FSIP1: variants seen among roughly 807,000 people sequenced by gnomAD.
FSIP1 encodes fibrous sheath interacting protein 1.
Under a neutral mutation model 60.9 loss-of-function variants are expected in FSIP1, and 65 were observed. The observed-to-expected ratio is 1.07, with a 90% CI of 0.87 to 1.31. FSIP1 has a LOEUF of 1.31. Among genes scored for constraint, FSIP1 ranks in the 40% most tolerant of loss-of-function variants. FSIP1 has a pLI of 0.00. For synonymous variants in FSIP1, 209 were observed against 221.2 expected, an observed-to-expected ratio of 0.94 and a Z score of 0.49; for missense variants, 675 against 665.5, an observed-to-expected ratio of 1.01 and a Z score of -0.16.
At chr15:39,645,785 G>A (rs1323068097) in intron 10 of FSIP1, among the ~76,000 whole-genome samples, 18 of 152,222 alleles carry the variant, frequency 1.2e-4, no homozygotes, top group Non-Finnish European at 2.9e-5. Context: ...CCACTGCCTG[G>A]CCTCTCTCCG....
At chr15:39,754,623 A>C (rs1045915942) in intron 5 of FSIP1, among the ~76,000 whole-genome samples, 4 of 152,130 alleles carry the variant, frequency 2.6e-5, no homozygotes, top group African/African-American at 9.7e-5. Context: ...TAAAAGAACA[A>C]TAACAGAGGA....
chr15:39,776,454 C>T lies in FSIP1; in HGVS notation c.71G>A (p.Ser24Asn), dbSNP rs1386328142. Residue 24 changes from serine (S) to asparagine (N), a missense_variant, in exon 2 of 12, where the codon AGC becomes AAC. Physicochemically the swap from Ser to Asn is conservative, Grantham distance 46 (BLOSUM62 1). Transcript: ENST00000350221. ...PASNSRIRPG[S>N]RSSNASLEVL... The stretch of plus-strand genomic sequence containing the variant: ...CTCCAAAGAAGCATTTGAACTTCTG[C>T]TCCCAGGGCGTATTCTTGAATTTGA... 5 of 1,613,452 alleles carry T rather than the reference C, an allele frequency of 3.1e-6. No homozygotes were observed. The highest frequency in any genetic ancestry group is 4.2e-6 in the Non-Finnish European group (5 of 1,179,522).
chr15:39,695,730 C>T (rs558872381), intron 10 of FSIP1, among the ~76,000 whole-genome samples: 25 of 152,208 alleles, frequency 1.6e-4, no homozygotes, highest in Middle Eastern at 3.4e-3. Context: ...TAATCTTAGG[C>T]CATTGATGTT....
chr15:39,739,126 C>T (rs1359934924), intron 7 of FSIP1, among the ~76,000 whole-genome samples: 2 of 152,166 alleles, frequency 1.3e-5, no homozygotes, highest in Admixed American at 6.5e-5. Flanking sequence ...GGCTGCAAGG[C>T]CTGTAAGACC....
intron 10 of FSIP1, among the ~76,000 whole-genome samples, chr15:39,703,197 G>C (rs2140528376): frequency 6.6e-6 from 1 of 152,146 alleles, no homozygotes; most frequent in Admixed American, 6.5e-5. Flanking sequence ...GGTCAGGCTG[G>C]TCTCGAACTC....
chr15:39,602,438 G>A (rs575099462), intron 11 of FSIP1: 5 of 451,104 alleles, frequency 1.1e-5, no homozygotes, highest in African/African-American at 4.0e-5. Flanking sequence ...GTCATGGTAA[G>A]TTGTTGTGAC....
chr15:39,675,794 T>G (rs918519836), intron 10 of FSIP1, among the ~76,000 whole-genome samples: 1 of 152,196 alleles, frequency 6.6e-6, no homozygotes, highest in Non-Finnish European at 1.5e-5. Flanking sequence ...AGTTCTGCAT[T>G]TCATCAAGAT....
rs760944022 is a variant in FSIP1, at chr15:39,739,687, T to G, written c.758A>C (p.Asp253Ala). 33 of 1,598,838 alleles carry G rather than the reference T, an allele frequency of 2.1e-5. 1 individual carries two copies. In the South Asian group the frequency reaches 3.7e-4, roughly 18 times the overall value. Reference protein sequence around the residue: ...KIELRGKHNQDFIKRNIELAK... With the variant: ...KIELRGKHNQAFIKRNIELAK... ...TACCTCAATGTTTCTCTTAATAAAA[T>G]CCTGGTTGTGTTTACCCCTGAGCTC... The change falls in exon 7 of 12, where the codon GAT becomes GCT. Residue 253 changes from aspartate (D) to alanine (A), a missense_variant. Asp to Ala is a moderately radical substitution (Grantham distance 126). Coordinates refer to ENST00000350221, the MANE Select transcript of FSIP1 (RefSeq NM_152597.5).
intron 5 of FSIP1, among the ~76,000 whole-genome samples, chr15:39,759,192 T>TAA (rs1037636553): frequency 6.6e-6 from 1 of 150,608 alleles, no homozygotes; most frequent in African/African-American, 2.4e-5. Context: ...GTCACAAAAT[T>TAA]AAAAAAAAAG....
chr15:39,692,752 AAAAGAAAG>A (rs369928480), intron 10 of FSIP1, among the ~76,000 whole-genome samples: 10 of 152,152 alleles, frequency 6.6e-5, no homozygotes, highest in South Asian at 6.2e-4. Context: ...GTTTAAAAAA[AAAAGAAAG>A]AAAGAAAGAA....
At chr15:39,674,055 A>ATT (rs532939228) in intron 10 of FSIP1, among the ~76,000 whole-genome samples, 3 of 144,420 alleles carry the variant, frequency 2.1e-5, no homozygotes, top group Admixed American at 6.9e-5. Context: ...ACCCGATTTA[A>ATT]TTTTTTTTTT....
At chr15:39,740,386 C>T (rs750405063) in intron 6 of FSIP1, among the ~76,000 whole-genome samples, 1 of 152,060 alleles carries the variant, frequency 6.6e-6, no homozygotes, top group Non-Finnish European at 1.5e-5. Flanking sequence ...ATTCAGACAC[C>T]GAGTGCTCAA....
chr15:39,674,881 C>T (rs1893875990), intron 10 of FSIP1, among the ~76,000 whole-genome samples: 1 of 151,984 alleles, frequency 6.6e-6, no homozygotes, highest in Non-Finnish European at 1.5e-5. Context: ...CATCAAAAGT[C>T]ACCTTATAAA....
intron 10 of FSIP1, among the ~76,000 whole-genome samples, chr15:39,706,677 A>G (rs1316764632): frequency 2.0e-5 from 3 of 152,174 alleles, no homozygotes; most frequent in Non-Finnish European, 4.4e-5. Flanking sequence ...CATAATCCCA[A>G]CACACTTTTC....
intron 10 of FSIP1, among the ~76,000 whole-genome samples, chr15:39,655,923 A>G (rs1893052965): frequency 6.6e-6 from 1 of 152,126 alleles, no homozygotes; most frequent in African/African-American, 2.4e-5. Flanking sequence ...GAAAATTAAT[A>G]CATTTAACAA....
At chr15:39,639,464 C>T (rs1287328603) in intron 10 of FSIP1, among the ~76,000 whole-genome samples, 5 of 151,962 alleles carry the variant, frequency 3.3e-5, no homozygotes, top group African/African-American at 4.8e-5. Context: ...GCAGTAACAA[C>T]GAAAATGGAT....
intron 10 of FSIP1, among the ~76,000 whole-genome samples, chr15:39,695,818 A>ATT (rs1211491509): frequency 6.6e-6 from 1 of 152,262 alleles, no homozygotes; most frequent in East Asian, 1.9e-4. Context: ...TCTTGCTAAC[A>ATT]TTCAATTCAA....
chr15:39,707,319 A>T (rs1397470736), intron 10 of FSIP1, among the ~76,000 whole-genome samples: 1 of 152,028 alleles, frequency 6.6e-6, no homozygotes, highest in African/African-American at 2.4e-5. Flanking sequence ...GCTCTATTCC[A>T]GTCCCTTCCT....
intron 1 of FSIP1, among the ~76,000 whole-genome samples, chr15:39,777,539 C>T (rs774168500): frequency 6.6e-6 from 1 of 152,164 alleles, no homozygotes; most frequent in Admixed American, 6.5e-5. Flanking sequence ...GTGCTATTTC[C>T]GGAAGCAAGA....
Sources: gnomAD v4.1 joint callset for allele counts (sites outside exome capture counted in the v4.1 genomes callset) on GRCh38, gnomAD v4.1.1 for gene constraint, MANE v1.5 for transcripts, NCBI Gene and HGNC (gene_info 2026-07-23, HGNC 2026-07-21) for gene names.